LRRC37B: variants seen among roughly 807,000 people sequenced by gnomAD.
LRRC37B encodes the protein leucine rich repeat containing 37B.
LRRC37B carries 28 observed loss-of-function variants against 98.3 expected under a neutral mutation model. The ratio of observed to expected loss-of-function variants is 0.28; its 90% CI spans 0.21 to 0.39. LRRC37B has a LOEUF of 0.39. Ranked by LOEUF, LRRC37B falls within the 10% of genes least tolerant of loss-of-function variation. The pLI is 1.00. For missense variants in LRRC37B, 938 were observed against 1,182.7 expected (o/e 0.79, Z 3.03); for synonymous variants, 364 against 442.7 (o/e 0.82, Z 2.23).
chr17:32,017,965 A>G, upstream of LRRC37B: 1 of 218,468 alleles, frequency 4.6e-6, no homozygotes. Flanking sequence ...TGCTTACTTT[A>G]TTTCAGAAAG....
chr17:32,023,089 C>T (rs1021541560), intron 1 of LRRC37B, among the ~76,000 whole-genome samples: 18 of 151,822 alleles, frequency 1.2e-4, no homozygotes, highest in East Asian at 5.8e-4. Context: ...ATTGCTTAAC[C>T]GCTGCTCTGC....
chr17:32,015,857 G>A (rs772233781), intron 1 of LRRC37B, among the ~76,000 whole-genome samples: 1 of 152,302 alleles, frequency 6.6e-6, no homozygotes, highest in African/African-American at 2.4e-5. Flanking sequence ...TCGTGCTCAC[G>A]CTGTCATGGA....
At chr17:32,015,080 A>G (rs1910621515) in intron 1 of LRRC37B, among the ~76,000 whole-genome samples, 1 of 152,204 alleles carries the variant, frequency 6.6e-6, no homozygotes, top group South Asian at 2.1e-4. Flanking sequence ...CAGTGAGCCA[A>G]GATTGCACCA....
intron 11 of LRRC37B, 173 bp from the exon 15 acceptor site, chr17:32,053,093 G>A (rs1911804579): frequency 1.6e-6 from 1 of 620,516 alleles, no homozygotes; most frequent in East Asian, 3.0e-5. Flanking sequence ...AGGTAGCAAG[G>A]ATGACTGAAC....
chr17:32,044,271 A>G (rs1174625663), intron 7 of LRRC37B, among the ~76,000 whole-genome samples: 2 of 152,228 alleles, frequency 1.3e-5, no homozygotes, highest in African/African-American at 4.8e-5. Flanking sequence ...AAATTCAAAC[A>G]TGCCAGAAAG....
chr17:32,012,055 A>G (rs1198830861), intron 1 of LRRC37B, among the ~76,000 whole-genome samples: 1 of 152,172 alleles, frequency 6.6e-6, no homozygotes, highest in Non-Finnish European at 1.5e-5. Context: ...AGGTTTGTAT[A>G]TGGCCTGAAA....
intron 5 of LRRC37B, among the ~76,000 whole-genome samples, chr17:32,034,392 C>T (rs1040197627): frequency 6.6e-6 from 1 of 150,892 alleles, no homozygotes. Context: ...ATCCCAGCTA[C>T]TCAGGAGGCT....
At chr17:32,034,802 A>C in intron 5 of LRRC37B, 108 bp from the exon 9 acceptor site, 1 of 799,454 alleles carries the variant, frequency 1.3e-6, no homozygotes, top group Non-Finnish European at 2.1e-6. Context: ...AAAAGCAGAA[A>C]ATTATTTTTT....
At chr17:32,008,966 G>A (rs1488425490) in intron 1 of LRRC37B, among the ~76,000 whole-genome samples, 2 of 152,162 alleles carry the variant, frequency 1.3e-5, no homozygotes, top group Non-Finnish European at 2.9e-5. Flanking sequence ...ATACCTAGGA[G>A]TATGATTTCC....
At chr17:32,026,791 G>GTTACCTCTCTCTACCTA (rs1028599180) in intron 2 of LRRC37B, among the ~76,000 whole-genome samples, 2 of 152,178 alleles carry the variant, frequency 1.3e-5, no homozygotes, top group African/African-American at 2.4e-5. Context: ...ACCTATTAGG[G>GTTACCTCTCTCTACCTA]TTAGAGAGAG....
chr17:32,041,422 C>G (rs146798062), intron 7 of LRRC37B: 5 of 736,768 alleles, frequency 6.8e-6, no homozygotes, highest in Admixed American at 1.7e-5. Flanking sequence ...GACGTCTTCA[C>G]GCTGATCAAC....
chr17:32,035,550 G>A lies in LRRC37B; in HGVS notation c.2130-15G>A, dbSNP rs775515562. The A allele has an allele frequency of 5.0e-6, 8 of 1,606,294 alleles. No individual in the cohort carries two copies. The highest frequency in any genetic ancestry group is 6.8e-6 in the Non-Finnish European group (8 of 1,175,154). On this transcript the variant is annotated splice_polypyrimidine_tract_variant and intron_variant, in intron 6 of 11. Coordinates refer to ENST00000327564, the Ensembl canonical transcript of LRRC37B. ...AATGGGTTCATATCATGAATGTTTC[G>A]GCTTTCTTCTTCAGAGACATGGGAA...
At chr17:32,026,620 A>G (rs1910960888) in intron 2 of LRRC37B, among the ~76,000 whole-genome samples, 1 of 152,052 alleles carries the variant, frequency 6.6e-6, no homozygotes, top group Non-Finnish European at 1.5e-5. Context: ...GTAGAGACAG[A>G]GTTTCACCAT....
At chr17:32,046,047 GAA>G (rs1911568643) in intron 8 of LRRC37B, among the ~76,000 whole-genome samples, 1 of 152,202 alleles carries the variant, frequency 6.6e-6, no homozygotes, top group African/African-American at 2.4e-5. Context: ...AGGACCAAGA[GAA>G]AGAAATGGGA....
chr17:32,022,603 C>T lies in LRRC37B; in HGVS notation c.1538C>T (p.Thr513Ile), dbSNP rs1336686963. 3 of 1,613,910 alleles carry T rather than the reference C, an allele frequency of 1.9e-6. No homozygotes were observed. The East Asian group carries it at 6.7e-5, about 36-fold the overall frequency. Residue 513 changes from threonine (T) to isoleucine (I), a missense_variant, in exon 1 of 12, where the codon ACT becomes ATT. Around this residue, in one of 2 missense-constraint regions of LRRC37B, gnomAD observed 610 missense variants for 625.6 expected, o/e 0.98. Coordinates refer to ENST00000327564, the Ensembl canonical transcript of LRRC37B. ...GTTCAGACTCTGCATCGAAGCCTGA[C>T]TGAAGTCACAGGTCCACCTACAAAG...
At chr17:32,031,398 T>A in exon 5 of LRRC37B, 2 of 1,611,128 alleles carry the variant, frequency 1.2e-6, no homozygotes, top group Non-Finnish European at 1.7e-6. Context: ...TGCAATTTAA[T>A]TACAAAACTG....
chr17:32,022,285 C>T, exon 1 of LRRC37B: 1 of 1,613,970 alleles, frequency 6.2e-7, no homozygotes, highest in Non-Finnish European at 8.5e-7. Context: ...GCGGAACCTT[C>T]TTCTACAGCC....
In LRRC37B at chr17:32,040,421, C is replaced by T. The variant is rs867035052; in HGVS notation, c.2204+4782C>T. 9.2e-5 allele frequency: 48 copies of T among 524,458 alleles called. 1 individual carries two copies. In the Middle Eastern group the frequency reaches 5.1e-3, roughly 56 times the overall value. 32.5% of individuals were successfully genotyped at this position (524,458 alleles called of 1,614,324 possible). On this transcript the variant is annotated intron_variant, in intron 7 of 11. Coordinates refer to ENST00000327564, the Ensembl canonical transcript of LRRC37B. Reference sequence around the variant, plus strand: ...TGGCACGGTCCGGGCGGAGGTTCTGCGGCGGGAGGCAGCCTGTCGGTTGCA... The same window carrying T: ...TGGCACGGTCCGGGCGGAGGTTCTGTGGCGGGAGGCAGCCTGTCGGTTGCA...
rs146073679 is a variant in LRRC37B, at chr17:32,047,828, C to T, written c.2391C>T (p.His797=). Residue 797 remains histidine (H), a synonymous_variant, in exon 9 of 12, where the codon CAC becomes CAT. Coordinates refer to ENST00000327564, the Ensembl canonical transcript of LRRC37B. ...AGATGTTACAAGCCCGGAAGCAGCACATGAGCACTCAGCTGACTATTGAGT... is the reference window on the plus strand; with the variant it reads ...AGATGTTACAAGCCCGGAAGCAGCATATGAGCACTCAGCTGACTATTGAGT... The T allele has an allele frequency of 8.1e-5, 130 of 1,614,124 alleles. No individual in the cohort carries two copies. In the African/African-American group the frequency reaches 1.4e-3, roughly 17 times the overall value.
Sources: gnomAD v4.1 joint callset for allele counts (sites outside exome capture counted in the v4.1 genomes callset) on GRCh38, gnomAD v4.1.1 for gene constraint, gnomAD v4.1.1 regional missense constraint, MANE v1.5 for transcripts, NCBI Gene and HGNC (gene_info 2026-07-23, HGNC 2026-07-21) for gene names.